The following TRDN variants were observed in gnomAD, a reference collection of about 807,000 sequenced individuals.
The protein encoded by TRDN is triadin.
In TRDN, 161 loss-of-function variants were observed where a neutral mutation model predicts 149.7. The ratio of observed to expected loss-of-function variants is 1.08; its 90% confidence interval spans 0.95 to 1.23. TRDN has a LOEUF of 1.23. Among genes scored for constraint, TRDN ranks in the 50% most tolerant of loss-of-function variants. The pLI is 0.00. For synonymous variants in TRDN, 294 were observed against 250.5 expected, an observed-to-expected ratio of 1.17 and a Z score of -1.64; for missense variants, 896 against 823.5, an observed-to-expected ratio of 1.09 and a Z score of -1.08.
At chr6:123,282,596 A>G (rs1291659284) in intron 24 of TRDN, among the ~76,000 whole-genome samples, 2 of 151,926 alleles carry the variant, frequency 1.3e-5, no homozygotes, top group African/African-American at 4.8e-5. Context: ...AAGCCTATAT[A>G]TTATGTGGTT....
At chr6:123,611,442 T>C (rs1485984404) in intron 1 of TRDN, among the ~76,000 whole-genome samples, 1 of 152,178 alleles carries the variant, frequency 6.6e-6, no homozygotes, top group African/African-American at 2.4e-5. Flanking sequence ...TTTTATGTAT[T>C]ATCCATTTTA....
chr6:123,440,605 T>C (rs1446296669), intron 10 of TRDN, among the ~76,000 whole-genome samples: 1 of 152,206 alleles, frequency 6.6e-6, no homozygotes, highest in Non-Finnish European at 1.5e-5. Flanking sequence ...AAATGACTTG[T>C]AAATATTTCT....
intron 4 of TRDN, among the ~76,000 whole-genome samples, chr6:123,535,772 T>C (rs1244669237): frequency 6.6e-6 from 1 of 152,172 alleles, no homozygotes; most frequent in African/African-American, 2.4e-5. Flanking sequence ...TATTTCAGGA[T>C]TCCGATGATC....
At chr6:123,449,901 G>C (rs866344466) in intron 10 of TRDN, among the ~76,000 whole-genome samples, 1 of 152,152 alleles carries the variant, frequency 6.6e-6, no homozygotes, top group Non-Finnish European at 1.5e-5. Flanking sequence ...AGAAGGGATT[G>C]GGGCCCTATC....
chr6:123,548,889 T>G (rs1238384729), intron 2 of TRDN, among the ~76,000 whole-genome samples: 3 of 152,040 alleles, frequency 2.0e-5, no homozygotes, highest in Admixed American at 2.0e-4. Context: ...AAATAATGTG[T>G]ATTTATGTTA....
chr6:123,528,726 G>A (rs1309297198), intron 5 of TRDN: 87 of 987,142 alleles, frequency 8.8e-5, no homozygotes, highest in Non-Finnish European at 1.0e-4. Context: ...TGAGAATAAA[G>A]AGCAGGCATT....
chr6:123,520,544 T>G (rs2114279968), intron 5 of TRDN, among the ~76,000 whole-genome samples: 1 of 152,292 alleles, frequency 6.6e-6, no homozygotes, highest in Admixed American at 6.5e-5. Flanking sequence ...CTTCCAATAA[T>G]GCACATACTT....
intron 2 of TRDN, among the ~76,000 whole-genome samples, chr6:123,565,246 G>A (rs1291170446): frequency 6.6e-6 from 1 of 152,094 alleles, no homozygotes; most frequent in Non-Finnish European, 1.5e-5. Context: ...AAGCTTGAAG[G>A]GAAGATCTCC....
At chr6:123,319,001 G>A (rs918141581) in intron 23 of TRDN, among the ~76,000 whole-genome samples, 1 of 151,974 alleles carries the variant, frequency 6.6e-6, no homozygotes, top group Non-Finnish European at 1.5e-5. Flanking sequence ...TGAAGAGTCG[G>A]TTTTTGGGTT....
At chr6:123,316,351 G>T in intron 24 of TRDN, 106 bp downstream of exon 24, 1 of 1,048,964 alleles carries the variant, frequency 9.5e-7, no homozygotes, top group South Asian at 1.4e-5. Context: ...TAATGTTTTG[G>T]ATGTCTAAAT....
chr6:123,580,012 TAC>T (rs1783043698), intron 1 of TRDN, among the ~76,000 whole-genome samples: 1 of 152,124 alleles, frequency 6.6e-6, no homozygotes, highest in Admixed American at 6.6e-5. Flanking sequence ...CTTTATAAAT[TAC>T]ACAGTCTCAG....
At chr6:123,383,561 T>C (rs1781798683) in intron 14 of TRDN, among the ~76,000 whole-genome samples, 1 of 152,086 alleles carries the variant, frequency 6.6e-6, no homozygotes, top group African/African-American at 2.4e-5. Flanking sequence ...GTTGATGAAT[T>C]TGTGGTATAT....
intron 1 of TRDN, among the ~76,000 whole-genome samples, chr6:123,588,980 A>G (rs1273255602): frequency 6.6e-6 from 1 of 152,216 alleles, no homozygotes; most frequent in South Asian, 2.1e-4. Context: ...AGAGGGCACT[A>G]TGTACAGTGG....
intron 1 of TRDN, among the ~76,000 whole-genome samples, chr6:123,597,480 G>A (rs1339838069): frequency 6.6e-6 from 1 of 152,068 alleles, no homozygotes; most frequent in Admixed American, 6.6e-5. Flanking sequence ...AGTTGTAGAG[G>A]ATTATCTCCA....
intron 24 of TRDN, among the ~76,000 whole-genome samples, chr6:123,282,308 T>C (rs1362296529): frequency 6.6e-6 from 1 of 152,012 alleles, no homozygotes; most frequent in Non-Finnish European, 1.5e-5. Flanking sequence ...TCCACAGTCA[T>C]TATTGAATAA....
chr6:123,300,758 A>C (rs761718473), intron 24 of TRDN, among the ~76,000 whole-genome samples: 3 of 152,020 alleles, frequency 2.0e-5, no homozygotes, highest in Non-Finnish European at 4.4e-5. Context: ...AAGATGTAGC[A>C]ACATTTAATT....
rs1212590703 is a variant in TRDN, at chr6:123,340,711, C to T, written c.1370-3042G>A. Among the ~76,000 whole-genome samples, 29 of 151,894 alleles carry T rather than the reference C, an allele frequency of 1.9e-4. 1 individual carries two copies. The highest frequency in any genetic ancestry group is 1.9e-3 in the Admixed American group (29 of 15,234). On this transcript the variant is annotated intron_variant, in intron 21 of 40. Transcript: ENST00000334268. Reference sequence around the variant, plus strand: ...TCACGAACATAATGAATAATACCAACATACCAAACTTTTTGGACTTTTCTT... The same window carrying T: ...TCACGAACATAATGAATAATACCAATATACCAAACTTTTTGGACTTTTCTT...
chr6:123,474,961 A>G (rs1291276692), intron 9 of TRDN, among the ~76,000 whole-genome samples: 1 of 152,216 alleles, frequency 6.6e-6, no homozygotes, highest in African/African-American at 2.4e-5. Context: ...AGCAGGAAAG[A>G]TCCAAAATTG....
At chr6:123,401,695 A>G (rs1460146835) in intron 12 of TRDN, among the ~76,000 whole-genome samples, 1 of 152,198 alleles carries the variant, frequency 6.6e-6, no homozygotes, top group Non-Finnish European at 1.5e-5. Flanking sequence ...CTATAATCCC[A>G]GCACTTTGGG....
Sources: gnomAD v4.1 joint callset for allele counts (sites outside exome capture counted in the v4.1 genomes callset) on GRCh38, gnomAD v4.1.1 for gene constraint, MANE v1.5 for transcripts, NCBI Gene and HGNC (gene_info 2026-07-23, HGNC 2026-07-21) for gene names.